The following TAS2R1 variants were observed in gnomAD, a reference collection of about 807,000 sequenced individuals.
TAS2R1 encodes taste receptor type 2 member 1.
For missense variants in TAS2R1, 370 were observed against 353.4 expected, an observed-to-expected ratio of 1.05 and a Z score of -0.38; for synonymous variants, 141 against 134.2, an observed-to-expected ratio of 1.05 and a Z score of -0.35.
chr5:9,903,130 G>A, the TAS2R1 span, among the ~76,000 whole-genome samples: 4 of 151,906 alleles, frequency 2.6e-5, no homozygotes, highest in Admixed American at 1.3e-4. Context: ...ATGTACAGTT[G>A]AGTTACTATT....
At chr5:9,732,751 G>C in the TAS2R1 span, among the ~76,000 whole-genome samples, 1 of 152,132 alleles carries the variant, frequency 6.6e-6, no homozygotes, top group Non-Finnish European at 1.5e-5. Context: ...TATCGGTCAG[G>C]GTTCTGCTGA....
At chr5:9,745,414 A>G in the TAS2R1 span, among the ~76,000 whole-genome samples, 1 of 152,150 alleles carries the variant, frequency 6.6e-6, no homozygotes, top group South Asian at 2.1e-4. Context: ...ATATGAATAC[A>G]AATGGAGGTC....
chr5:9,648,229 G>T (rs763434542), intron 2 of TAS2R1, among the ~76,000 whole-genome samples: 1 of 151,772 alleles, frequency 6.6e-6, no homozygotes, highest in Non-Finnish European at 1.5e-5. Context: ...TGCATTTCAG[G>T]CCTCAACATT....
Position 9,629,514 on chromosome 5 carries a change from A to G in TAS2R1, c.519T>C (p.Ala173=). 1 of 1,614,210 alleles carries G rather than the reference A, an allele frequency of 6.2e-7. No homozygotes were observed. Among genetic ancestry groups the G allele is most frequent in the Non-Finnish European group, 8.5e-7 (1 of 1,180,040 alleles). The change falls in exon 1 of 1, where the codon GCT becomes GCC. Residue 173 remains alanine (A), a synonymous_variant. Transcript: ENST00000382492. ...CAGCAACAAAAGAGAAAATCTGTAT[A>G]GCCAGTGTATCTTCTTTTTGAATTG... ...NATIQKEDTL[A]IQIFSFVAEF...
intron 2 of TAS2R1, among the ~76,000 whole-genome samples, chr5:9,653,950 C>T (rs184732233): frequency 2.6e-4 from 39 of 152,232 alleles, no homozygotes; most frequent in African/African-American, 7.7e-4. Flanking sequence ...TAAATAATCT[C>T]TTGGTAACAG....
chr5:9,708,304 T>C (rs1008895526), intron 1 of TAS2R1, among the ~76,000 whole-genome samples: 1 of 152,198 alleles, frequency 6.6e-6, no homozygotes, highest in Middle Eastern at 3.2e-3. Flanking sequence ...TAAGAATCCT[T>C]GAGGTGCTGT....
chr5:9,855,444 C>T, the TAS2R1 span, among the ~76,000 whole-genome samples: 2 of 152,246 alleles, frequency 1.3e-5, no homozygotes, highest in Admixed American at 1.3e-4. Flanking sequence ...GAGTGAAGCT[C>T]TCCATCCTCA....
chr5:9,876,742 C>T, the TAS2R1 span, among the ~76,000 whole-genome samples: 482 of 152,204 alleles, frequency 3.2e-3, 1 homozygote, highest in Non-Finnish European at 5.5e-3. Context: ...ATTATGAATA[C>T]GACTTCCCAG....
chr5:9,632,877 T>C (rs1258473892), upstream of TAS2R1, among the ~76,000 whole-genome samples: 4 of 152,084 alleles, frequency 2.6e-5, no homozygotes, highest in Non-Finnish European at 5.9e-5. Flanking sequence ...ACTCCTGTTA[T>C]TGTTGGTGTT....
chr5:9,725,239 A>G, the TAS2R1 span, among the ~76,000 whole-genome samples: 348 of 152,320 alleles, frequency 2.3e-3, 2 homozygotes, highest in African/African-American at 8.0e-3. Context: ...CCGCTGCTGC[A>G]CTGTGGGAGC....
intron 1 of TAS2R1, among the ~76,000 whole-genome samples, chr5:9,696,356 T>C (rs1293553066): frequency 6.6e-6 from 1 of 151,980 alleles, no homozygotes; most frequent in East Asian, 1.9e-4. Flanking sequence ...GGTCAGGAGT[T>C]CAAGACCAGC....
the TAS2R1 span, among the ~76,000 whole-genome samples, chr5:9,893,452 G>A: frequency 6.6e-6 from 1 of 152,162 alleles, no homozygotes. Context: ...TCAGATGGTT[G>A]TTGGTCTTAA....
At chr5:9,882,644 T>C in the TAS2R1 span, among the ~76,000 whole-genome samples, 1 of 152,022 alleles carries the variant, frequency 6.6e-6, no homozygotes, top group Admixed American at 6.5e-5. Flanking sequence ...ATAAATAAAT[T>C]AATTAATAAA....
chr5:9,722,581 T>G, the TAS2R1 span, among the ~76,000 whole-genome samples: 2 of 152,238 alleles, frequency 1.3e-5, no homozygotes, highest in Admixed American at 6.5e-5. Context: ...TTCAGCATTG[T>G]GGGTCAGTCT....
chr5:9,837,199 A>G, the TAS2R1 span, among the ~76,000 whole-genome samples: 5 of 152,146 alleles, frequency 3.3e-5, no homozygotes, highest in Admixed American at 3.3e-4. Flanking sequence ...CACACACATC[A>G]CTACATTCAC....
the TAS2R1 span, among the ~76,000 whole-genome samples, chr5:9,890,830 CA>C: frequency 6.6e-6 from 1 of 152,220 alleles, no homozygotes; most frequent in African/African-American, 2.4e-5. Flanking sequence ...TCAACTTTAA[CA>C]CCGGATTCCA....
chr5:9,779,949 A>G, the TAS2R1 span, among the ~76,000 whole-genome samples: 22 of 152,246 alleles, frequency 1.4e-4, no homozygotes, highest in African/African-American at 4.6e-4. Flanking sequence ...GATGCACACT[A>G]GAGTTTAACA....
At chr5:9,890,915 C>T in the TAS2R1 span, among the ~76,000 whole-genome samples, 1 of 152,172 alleles carries the variant, frequency 6.6e-6, no homozygotes. Flanking sequence ...TCCTGGTCTT[C>T]CATGTGGACA....
At chr5:9,761,123 T>C in the TAS2R1 span, 4 of 152,144 alleles carry the variant, frequency 2.6e-5, no homozygotes, top group African/African-American at 9.7e-5. Context: ...CACAAAAGAT[T>C]ATTGCTTTTA....
Sources: allele counts gnomAD v4.1 joint callset (sites outside exome capture counted in the v4.1 genomes callset), GRCh38; gene constraint gnomAD v4.1.1; transcripts MANE v1.5; gene names NCBI Gene and HGNC (gene_info 2026-07-23, HGNC 2026-07-21).